The following HELZ2 variants were observed in gnomAD, a reference collection of about 807,000 sequenced individuals.
HELZ2 encodes 3'-5' exoribonuclease HELZ2.
Under a neutral mutation model 208.8 loss-of-function variants are expected in HELZ2, and 143 were observed. That is an observed-to-expected ratio of 0.68 (90% CI 0.60 to 0.79). The LOEUF (loss-of-function observed/expected upper bound fraction) is 0.79, where lower values mean the gene tolerates loss of function less well. HELZ2 is among the 30% of genes least tolerant of loss of function. The pLI, the probability that HELZ2 is intolerant of heterozygous loss-of-function variation, is 0.00. For synonymous variants in HELZ2, 1,705 were observed against 1,693.7 expected (o/e 1.01, Z -0.16); for missense variants, 3,690 against 3,794.5 (o/e 0.97, Z 0.72).
chr20:63,566,273 C>T (rs1044201802), intron 7 of HELZ2, 42 bp from the exon 9 acceptor site: 32 of 1,488,090 alleles, frequency 2.2e-5, no homozygotes, highest in East Asian at 7.4e-5. Flanking sequence ...GTGCGCAAGA[C>T]GGTGGGACCA....
downstream of HELZ2, chr20:63,559,080 C>T (rs1296075510): frequency 1.8e-5 from 13 of 730,038 alleles, no homozygotes; most frequent in Non-Finnish European, 2.8e-5. Context: ...TGGGGACCGG[C>T]CCTTGCCGTT....
upstream of HELZ2, among the ~76,000 whole-genome samples, chr20:63,573,921 G>A (rs1156922172): frequency 2.6e-5 from 4 of 152,144 alleles, no homozygotes; most frequent in Non-Finnish European, 5.9e-5. This position sits in a 1 kb window ranked among gnomAD's most constrained non-coding sequence, Gnocchi z 4.9. Flanking sequence ...GACGGGAGCC[G>A]AGACCCCAAA....
exon 8 of HELZ2, chr20:63,564,358 G>A (rs750691354): frequency 1.0e-4 from 156 of 1,564,244 alleles, no homozygotes; most frequent in South Asian, 1.6e-4. Context: ...AGTAGCACGC[G>A]GCCACGACGC....
At chr20:63,558,321 GC>G (rs1248654248), downstream of HELZ2, 1 of 125,778 alleles carries the variant, frequency 8.0e-6, no homozygotes. Context: ...CAACCCCCGA[GC>G]CCACTGCGCA....
At position 63,560,735 on chromosome 20, in the gene HELZ2, G is replaced by A. The variant is rs766297008; in HGVS notation, c.7282-38C>T. 22 of 1,603,866 alleles carry A rather than the reference G, an allele frequency of 1.4e-5. 1 individual carries two copies. The highest frequency in any genetic ancestry group is 9.9e-5 in the South Asian group (9 of 91,022). The stretch of plus-strand genomic sequence containing the variant: ...ATGTGCGCTGGTCAGAGGCTGCCAC[G>A]CGGGGTTGTGGCCCCCCAGGGGCTG... On this transcript the variant is annotated intron_variant, in intron 15 of 18. Coordinates refer to ENST00000467148, the Ensembl canonical transcript of HELZ2.
chr20:63,561,010 C>T lies in HELZ2; in HGVS notation c.7146+72G>A, dbSNP rs2082879469. On this transcript the variant is annotated intron_variant, in intron 14 of 18. Transcript: ENST00000467148. Reference sequence around the variant, plus strand: ...CCCACACGACACCCGCGTCTGCACACACAGGGCACCCCAGGTGGGAGACTG... The same window carrying T: ...CCCACACGACACCCGCGTCTGCACATACAGGGCACCCCAGGTGGGAGACTG... 1.9e-6 allele frequency: 3 copies of T among 1,595,356 alleles called. No homozygotes were observed. In the Admixed American group the frequency reaches 5.1e-5, roughly 27 times the overall value.
rs1317487149 is a variant in HELZ2 at position 63,570,623 on chromosome 20, T to C, written c.463-12A>G. ...AGGGTCTCTGCCAGCTGCGTGGAAG[T>C]CTAGCCTTCAGCAAGAGGCCTGGAC... On this transcript the variant is annotated splice_polypyrimidine_tract_variant and intron_variant, in intron 2 of 18. Transcript: ENST00000467148. The C allele has an allele frequency of 3.7e-6, 6 of 1,604,346 alleles. No homozygotes were observed. Among genetic ancestry groups the C allele is most frequent in the Non-Finnish European group, 5.1e-6 (6 of 1,173,392 alleles).
exon 8 of HELZ2, chr20:63,562,568 G>A (rs372444570): frequency 1.1e-5 from 17 of 1,597,842 alleles, no homozygotes; most frequent in Admixed American, 1.7e-5. Flanking sequence ...CAGGGTGCCC[G>A]GCCTCAGCAC....
chr20:63,567,497 A>G (rs2082975628), exon 6 of HELZ2: 2 of 1,557,548 alleles, frequency 1.3e-6, no homozygotes, highest in Non-Finnish European at 1.7e-6. Flanking sequence ...GTCAGGCAAC[A>G]GTACTGCAGC....
chr20:63,562,503 T>C lies in HELZ2; in HGVS notation c.6302+17A>G, dbSNP rs1476897860. The C allele has an allele frequency of 1.3e-6, 2 of 1,554,920 alleles. No homozygotes were observed. Among genetic ancestry groups the C allele is most frequent in the African/African-American group, 2.7e-5 (2 of 73,370 alleles). On this transcript the variant is annotated intron_variant, in intron 8 of 18. Transcript: ENST00000467148. ...GGCGGTCCCCCAGCCCAGCCTCTGC[T>C]GGTGGAAGCCACTCACAGATCAGGA...
At position 63,560,115 on chromosome 20, in the gene HELZ2, G is replaced by T. The variant is rs755075020; in HGVS notation, c.7658-20C>A. 3.8e-6 allele frequency: 6 copies of T among 1,570,116 alleles called. No homozygotes were observed. In the African/African-American group the frequency reaches 5.4e-5, roughly 14 times the overall value. The stretch of plus-strand genomic sequence containing the variant: ...CGCTCCCTGCGGGATGGGAGGTGAG[G>T]CCCTGCTGCCGCTGCGCCCACCCTC... On this transcript the variant is annotated intron_variant, in intron 17 of 18. Transcript: ENST00000467148.
rs776959123 is a variant in HELZ2 at position 63,572,291 on chromosome 20, AG to A, written c.94del (p.Gly33AlafsTer138). On this transcript the variant is annotated frameshift_variant, in exon 1 of 19. Coordinates refer to ENST00000467148, the Ensembl canonical transcript of HELZ2. LOFTEE classifies it high-confidence loss of function. ...CAGCTGGGCCCCAGGGGGCTGGCCA[AG>A]GGGGGCCGTGCGCCCGTCGCCATCA... 2.5e-6 allele frequency: 4 copies of A among 1,586,410 alleles called. No homozygotes were observed. The highest frequency in any genetic ancestry group is 2.3e-5 in the South Asian group (2 of 87,762).
chr20:63,564,669 G>T, exon 8 of HELZ2: 1 of 1,582,334 alleles, frequency 6.3e-7, no homozygotes, highest in Non-Finnish European at 8.6e-7. Context: ...TCCACGTCCA[G>T]CACCCCGTCC....
intron 9 of HELZ2, 25 bp downstream of exon 10, chr20:63,562,263 A>AG: frequency 1.9e-6 from 3 of 1,584,602 alleles, no homozygotes; most frequent in Non-Finnish European, 2.6e-6. Flanking sequence ...CCAGAGGGGA[A>AG]GCTGGAGGGG....
At chr20:63,573,617 G>A (rs965915968), upstream of HELZ2, among the ~76,000 whole-genome samples, 1 of 152,108 alleles carries the variant, frequency 6.6e-6, no homozygotes, top group Non-Finnish European at 1.5e-5. The surrounding 1 kb of genome is among the most constrained non-coding windows in gnomAD (Gnocchi z 4.9). Context: ...AGGGCCTCAG[G>A]CTCCTGACTC....
chr20:63,569,604 G>A, exon 4 of HELZ2: 2 of 1,561,830 alleles, frequency 1.3e-6, no homozygotes, highest in South Asian at 1.2e-5. Flanking sequence ...GAGGCCGGGA[G>A]CCACCAGAGA....
exon 8 of HELZ2, chr20:63,565,962 C>A (rs1296158635): frequency 1.3e-6 from 2 of 1,599,008 alleles, no homozygotes; most frequent in South Asian, 2.2e-5. Flanking sequence ...TGCGCCACAC[C>A]CTGCTCGACC....
At chr20:63,561,876 C>T (rs761861801) in exon 11 of HELZ2, 2 of 1,571,208 alleles carry the variant, frequency 1.3e-6, no homozygotes, top group Non-Finnish European at 1.7e-6. Flanking sequence ...GATGCAGGGA[C>T]CCCCCAGCCG....
chr20:63,562,237 A>C, intron 9 of HELZ2, 34 bp from the exon 11 acceptor site: 2 of 1,480,016 alleles, frequency 1.4e-6, no homozygotes, highest in Non-Finnish European at 1.8e-6. Context: ...GCACTCATGC[A>C]GGGTGGGGCT....
Sources: gnomAD v4.1 joint callset for allele counts (sites outside exome capture counted in the v4.1 genomes callset) on GRCh38, gnomAD v4.1.1 for gene constraint, Gnocchi (gnomAD v3.1) non-coding constraint, MANE v1.5 for transcripts, NCBI Gene and HGNC (gene_info 2026-07-23, HGNC 2026-07-21) for gene names.